The following FBXO34 variants were observed in gnomAD, a reference collection of about 807,000 sequenced individuals.
The protein encoded by FBXO34 is F-box protein 34, also known as F-box only protein 34.
A neutral mutation model predicts 24.5 loss-of-function variants in FBXO34; 12 were observed. That is an observed-to-expected ratio of 0.49 (90% CI 0.31 to 0.79). The LOEUF (loss-of-function observed/expected upper bound fraction) is 0.79. Among genes scored for constraint, FBXO34 ranks in the 30% least tolerant of loss-of-function variants. The pLI is 0.04. For missense variants in FBXO34, 823 were observed against 857.7 expected, an observed-to-expected ratio of 0.96 and a Z score of 0.51; for synonymous variants, 320 against 311.9, an observed-to-expected ratio of 1.03 and a Z score of -0.27.
chr14:55,362,384 AT>A (rs1170543497), downstream of FBXO34, among the ~76,000 whole-genome samples: 2 of 152,362 alleles, frequency 1.3e-5, no homozygotes, highest in East Asian at 3.9e-4. Flanking sequence ...TGTGAGAATT[AT>A]CAAAATGTCA....
the FBXO34 span, chr14:55,411,821 A>C: frequency 6.3e-7 from 1 of 1,590,986 alleles, no homozygotes; most frequent in Non-Finnish European, 8.6e-7. Context: ...GGGAGACGCC[A>C]TGATGGCCTG....
intron 1 of FBXO34, among the ~76,000 whole-genome samples, chr14:55,301,945 C>T (rs1353556808): frequency 6.6e-6 from 1 of 152,156 alleles, no homozygotes; most frequent in Non-Finnish European, 1.5e-5. Context: ...AGCAGATAGG[C>T]ATTAGATCAG....
chr14:55,290,328 G>A (rs1030230432), intron 1 of FBXO34, among the ~76,000 whole-genome samples: 2 of 151,800 alleles, frequency 1.3e-5, no homozygotes, highest in Non-Finnish European at 2.9e-5. Flanking sequence ...GGAGGTGGAG[G>A]TTGCAGTGAG....
the FBXO34 span, among the ~76,000 whole-genome samples, chr14:55,430,613 C>A: frequency 1.3e-5 from 2 of 152,048 alleles, no homozygotes; most frequent in South Asian, 4.1e-4. Context: ...CCAGGCTGGG[C>A]TCAAACTCCA....
the FBXO34 span, chr14:55,429,033 G>A: frequency 6.3e-7 from 1 of 1,579,114 alleles, no homozygotes; most frequent in East Asian, 2.2e-5. Flanking sequence ...TCAACTACTG[G>A]TGTTGTATTG....
At chr14:55,371,828 GC>G (rs746878543), downstream of FBXO34, among the ~76,000 whole-genome samples, 4 of 151,900 alleles carry the variant, frequency 2.6e-5, no homozygotes, top group Non-Finnish European at 4.4e-5. Flanking sequence ...AAAACAAAGA[GC>G]CCCTCAGACT....
chr14:55,401,609 T>G, the FBXO34 span, among the ~76,000 whole-genome samples: 1 of 152,240 alleles, frequency 6.6e-6, no homozygotes, highest in Non-Finnish European at 1.5e-5. Context: ...AAATGAACTT[T>G]GTTGTTTCAT....
chr14:55,323,212 A>ATATATATAT (rs1199201615), intron 1 of FBXO34, among the ~76,000 whole-genome samples: 1 of 39,038 alleles, frequency 2.6e-5, no homozygotes, highest in African/African-American at 3.5e-4. Flanking sequence ...AAAAAAAAAA[A>ATATATATAT]AAAAAAATAT....
chr14:55,429,370 TG>T, the FBXO34 span, among the ~76,000 whole-genome samples: 3 of 152,014 alleles, frequency 2.0e-5, no homozygotes, highest in Non-Finnish European at 4.4e-5. Context: ...ACTCTGGGGG[TG>T]GGGCCGAGCA....
intron 1 of FBXO34, among the ~76,000 whole-genome samples, chr14:55,287,423 A>G (rs961203303): frequency 2.0e-5 from 3 of 152,182 alleles, no homozygotes; most frequent in Non-Finnish European, 2.9e-5. Context: ...TTATTCACAC[A>G]TAAGTATAAG....
At chr14:55,326,017 A>G (rs1448198877) in intron 1 of FBXO34, 3 of 152,236 alleles carry the variant, frequency 2.0e-5, no homozygotes, top group African/African-American at 7.2e-5. Context: ...ATTCTGGTCC[A>G]TTGGTTTCAG....
At chr14:55,442,362 C>T in the FBXO34 span, among the ~76,000 whole-genome samples, 1 of 148,622 alleles carries the variant, frequency 6.7e-6, no homozygotes, top group Non-Finnish European at 1.5e-5. Flanking sequence ...GCACTCCACC[C>T]TGGGCAACAG....
At chr14:55,378,167 A>G in the FBXO34 span, 1 of 1,011,432 alleles carries the variant, frequency 9.9e-7, no homozygotes, top group Non-Finnish European at 1.5e-6. Context: ...TATAACACAT[A>G]CTCTGTGCCC....
the FBXO34 span, chr14:55,414,512 A>T: frequency 7.9e-7 from 1 of 1,270,668 alleles, no homozygotes; most frequent in Non-Finnish European, 1.1e-6. Context: ...ACATTTACTT[A>T]AACACTAAAA....
chr14:55,360,118 G>C (rs142016652), intron 3 of FBXO34, among the ~76,000 whole-genome samples: 1 of 151,978 alleles, frequency 6.6e-6, no homozygotes, highest in Non-Finnish European at 1.5e-5. Context: ...TGTCTCCCAG[G>C]CTGGAGTGCA....
chr14:55,370,029 G>A (rs1884779277), downstream of FBXO34: 18 of 1,103,142 alleles, frequency 1.6e-5, no homozygotes, highest in South Asian at 3.7e-5. Context: ...GAGGGACGCC[G>A]CACACCCCAT....
At chr14:55,413,966 G>A in the FBXO34 span, 6 of 503,108 alleles carry the variant, frequency 1.2e-5, no homozygotes, top group African/African-American at 7.8e-5. Flanking sequence ...TCGTAGATTC[G>A]CATGTATGTG....
At chr14:55,361,031 T>G (rs972363131) in intron 3 of FBXO34, among the ~76,000 whole-genome samples, 1 of 152,116 alleles carries the variant, frequency 6.6e-6, no homozygotes, top group Non-Finnish European at 1.5e-5. Flanking sequence ...ATATTTTTCC[T>G]CTTTCCATGA....
intron 1 of FBXO34, among the ~76,000 whole-genome samples, chr14:55,283,942 CTATGTG>C (rs1286724123): frequency 9.4e-4 from 123 of 130,886 alleles, no homozygotes; most frequent in African/African-American, 3.1e-3. Context: ...CATTCTAAGA[CTATGTG>C]TGTGTGTGTG....
Sources: allele counts gnomAD v4.1 joint callset (sites outside exome capture counted in the v4.1 genomes callset), GRCh38; gene constraint gnomAD v4.1.1; transcripts MANE v1.5; gene names NCBI Gene and HGNC (gene_info 2026-07-23, HGNC 2026-07-21).